The following CSMD1 variants were observed in gnomAD, a reference collection of about 807,000 sequenced individuals.
The protein encoded by CSMD1 is CUB and Sushi multiple domains 1.
CSMD1 carries 213 observed loss-of-function variants against 417.5 expected under a neutral mutation model. That is an observed-to-expected ratio of 0.51 (90% CI 0.46 to 0.57). CSMD1 has a LOEUF of 0.57. CSMD1 is among the 20% of genes least tolerant of loss of function. CSMD1 has a pLI of 0.00. For synonymous variants in CSMD1, 2,862 were observed against 1,736.8 expected (o/e 1.65, Z -16.11); for missense variants, 6,923 against 4,529.7 (o/e 1.53, Z -15.17).
intron 6 of CSMD1, among the ~76,000 whole-genome samples, chr8:3,731,078 C>G (rs772226696): frequency 6.6e-6 from 1 of 152,190 alleles, no homozygotes; most frequent in African/African-American, 2.4e-5. Flanking sequence ...TCCTTATACA[C>G]TTTCTTCCCA....
intron 23 of CSMD1, among the ~76,000 whole-genome samples, chr8:3,321,887 C>T (rs1478448578): frequency 2.0e-5 from 3 of 152,240 alleles, no homozygotes; most frequent in South Asian, 2.1e-4. Flanking sequence ...AAATAGCACT[C>T]AACCAGAAAT....
intron 3 of CSMD1, among the ~76,000 whole-genome samples, chr8:4,056,108 G>C (rs1170222334): frequency 8.2e-6 from 1 of 122,402 alleles, no homozygotes; most frequent in South Asian, 2.7e-4. Flanking sequence ...TTGAGACAGA[G>C]TCTCACTTTG....
chr8:4,704,007 G>A (rs71523643), intron 1 of CSMD1, among the ~76,000 whole-genome samples: 85 of 152,294 alleles, frequency 5.6e-4, no homozygotes, highest in Admixed American at 4.4e-3. Context: ...ATCTAATGCC[G>A]ATGCCGATGT....
intron 3 of CSMD1, among the ~76,000 whole-genome samples, chr8:4,353,464 AAAG>A (rs1801216390): frequency 6.7e-6 from 1 of 149,798 alleles, no homozygotes; most frequent in South Asian, 2.1e-4. Context: ...CAGTGTGAGA[AAAG>A]AATAATACAT....
chr8:3,254,369 C>G (rs544639301), intron 26 of CSMD1, among the ~76,000 whole-genome samples: 5 of 152,076 alleles, frequency 3.3e-5, no homozygotes, highest in African/African-American at 7.2e-5. Context: ...TTACTCTTCT[C>G]GAGGGGTATA....
chr8:4,025,662 A>G (rs1563332850), intron 4 of CSMD1, among the ~76,000 whole-genome samples: 1 of 152,200 alleles, frequency 6.6e-6, no homozygotes, highest in Non-Finnish European at 1.5e-5. Flanking sequence ...AAAGACACAG[A>G]TCTTAAGTTG....
chr8:4,471,446 G>A (rs1439548024), intron 2 of CSMD1, among the ~76,000 whole-genome samples: 3 of 152,062 alleles, frequency 2.0e-5, no homozygotes, highest in Non-Finnish European at 2.9e-5. Context: ...CTGTCAGCAA[G>A]CCTCTCGACA....
chr8:4,038,130 G>C (rs910652509), intron 3 of CSMD1, among the ~76,000 whole-genome samples: 10 of 152,110 alleles, frequency 6.6e-5, no homozygotes, highest in Non-Finnish European at 1.3e-4. Flanking sequence ...AAGGTTTAAA[G>C]TCACTGATTG....
intron 3 of CSMD1, among the ~76,000 whole-genome samples, chr8:4,170,745 G>A (rs111495528): frequency 5.3e-5 from 8 of 151,334 alleles, no homozygotes; most frequent in Non-Finnish European, 7.4e-5. Flanking sequence ...AATTAATACT[G>A]TTTAGAAAAA....
intron 1 of CSMD1, among the ~76,000 whole-genome samples, chr8:4,946,452 G>A (rs1469810512): frequency 6.6e-6 from 1 of 152,032 alleles, no homozygotes; most frequent in African/African-American, 2.4e-5. Context: ...GTGACAGGCT[G>A]GTCTGCCCAG....
At chr8:4,093,188 T>G (rs942010949) in intron 3 of CSMD1, among the ~76,000 whole-genome samples, 2 of 152,292 alleles carry the variant, frequency 1.3e-5, no homozygotes, top group South Asian at 2.1e-4. Flanking sequence ...AACAGAAAAT[T>G]TGAAGTTTCA....
chr8:3,857,612 A>C (rs1357830356), intron 5 of CSMD1, among the ~76,000 whole-genome samples: 2 of 152,056 alleles, frequency 1.3e-5, no homozygotes, highest in East Asian at 3.9e-4. Context: ...TGGTGGGGCC[A>C]GGTGGAGTTC....
intron 12 of CSMD1, among the ~76,000 whole-genome samples, chr8:3,418,001 G>A (rs950139948): frequency 3.3e-5 from 5 of 152,120 alleles, no homozygotes; most frequent in Admixed American, 1.3e-4. Context: ...AGAAAGTAGC[G>A]GATTGCTGTT....
rs1411082345 is a variant in CSMD1, at chr8:3,660,689, T to G, written c.1010-43892A>C. ...GGTCCCTCCACCACACCTGGCTAAT[T>G]TTTATATTTTTAGTAGAGACAGGGT... On this transcript the variant is annotated intron_variant, in intron 7 of 69. Coordinates refer to ENST00000635120, the MANE Select transcript of CSMD1 (RefSeq NM_033225.6). Among the ~76,000 whole-genome samples, 6 of 150,512 alleles carry G rather than the reference T, an allele frequency of 4.0e-5. No homozygotes were observed. In the Admixed American group the frequency reaches 4.0e-4, roughly 10 times the overall value.
intron 2 of CSMD1, among the ~76,000 whole-genome samples, chr8:4,462,618 C>G: frequency 6.6e-6 from 1 of 152,144 alleles, no homozygotes; most frequent in East Asian, 1.9e-4. Context: ...GATCATGATT[C>G]CATTATGCTT....
chr8:3,891,031 CT>C lies in CSMD1; in HGVS notation c.818+106871del, dbSNP rs1806935458. Among the ~76,000 whole-genome samples, 4 of 151,288 alleles carry C rather than the reference CT, an allele frequency of 2.6e-5. No individual in the cohort carries two copies. The South Asian group carries it at 8.4e-4, about 32-fold the overall frequency. ...TGAAGGCCGTGAAATAATTGAGCAGCTTTTTTGTTTTTTTTTTGTTTTATTT... is the reference window on the plus strand; with the variant it reads ...TGAAGGCCGTGAAATAATTGAGCAGCTTTTTGTTTTTTTTTTGTTTTATTT... On this transcript the variant is annotated intron_variant, in intron 5 of 69. Transcript: ENST00000635120.
intron 23 of CSMD1, among the ~76,000 whole-genome samples, chr8:3,313,767 T>C (rs915760328): frequency 6.6e-6 from 1 of 152,218 alleles, no homozygotes; most frequent in Admixed American, 6.5e-5. Flanking sequence ...ATCCCATTAC[T>C]GGGTATATAC....
chr8:4,729,760 A>T (rs145348692), intron 1 of CSMD1, among the ~76,000 whole-genome samples: 2,300 of 152,318 alleles, frequency 0.015, 23 homozygotes, highest in Non-Finnish European at 0.023. Flanking sequence ...AGGATCTCAT[A>T]AACAACTTAA....
chr8:4,757,980 A>G (rs34379505), intron 1 of CSMD1, among the ~76,000 whole-genome samples: 1 of 149,462 alleles, frequency 6.7e-6, no homozygotes, highest in East Asian at 2.0e-4. Context: ...AAAAAAAAAA[A>G]GGAAAAGAGA....
Sources: gnomAD v4.1 joint callset for allele counts (sites outside exome capture counted in the v4.1 genomes callset) on GRCh38, gnomAD v4.1.1 for gene constraint, MANE v1.5 for transcripts, NCBI Gene and HGNC (gene_info 2026-07-23, HGNC 2026-07-21) for gene names.